TRMT11: variants seen among roughly 807,000 people sequenced by gnomAD.
The protein encoded by TRMT11 is tRNA methyltransferase 11, also known as tRNA (guanine(10)-N(2))-methyltransferase TRMT11.
TRMT11 carries 53 observed loss-of-function variants against 62.8 expected under a neutral mutation model. The ratio of observed to expected loss-of-function variants is 0.84; its 90% confidence interval spans 0.68 to 1.06. The LOEUF is 1.06. Ranked by LOEUF, TRMT11 falls within the 50% of genes least tolerant of loss-of-function variation. The pLI is 0.00. For synonymous variants in TRMT11, 188 were observed against 190.3 expected (o/e 0.99, Z 0.10); for missense variants, 556 against 553.4 (o/e 1.00, Z -0.05).
chr6:126,237,050 T>A, the TRMT11 span, among the ~76,000 whole-genome samples: 1 of 149,262 alleles, frequency 6.7e-6, no homozygotes, highest in African/African-American at 2.5e-5. Flanking sequence ...TTCTAGGTAC[T>A]TGACCTCCTA....
intron 17 of TRMT11, among the ~76,000 whole-genome samples, chr6:126,056,235 G>T (rs12664590): frequency 6.6e-6 from 1 of 152,058 alleles, no homozygotes; most frequent in East Asian, 1.9e-4. Flanking sequence ...AGTTTATAAG[G>T]GTTATAAAGA....
chr6:126,062,969 C>T (rs1479137288), intron 17 of TRMT11, among the ~76,000 whole-genome samples: 4 of 152,096 alleles, frequency 2.6e-5, no homozygotes, highest in African/African-American at 9.7e-5. Context: ...TATCCTGTAT[C>T]ATCAGTACTC....
chr6:126,105,215 A>G (rs1777450620), intron 17 of TRMT11, among the ~76,000 whole-genome samples: 1 of 151,894 alleles, frequency 6.6e-6, no homozygotes, highest in South Asian at 2.1e-4. Context: ...TGATGAAATC[A>G]CTCCTTTGCT....
the TRMT11 span, among the ~76,000 whole-genome samples, chr6:126,234,032 A>AT: frequency 1.3e-5 from 2 of 152,182 alleles, no homozygotes; most frequent in South Asian, 2.1e-4. Flanking sequence ...TAAAGATACT[A>AT]TTTTTTTCTG....
At chr6:126,213,585 A>T in the TRMT11 span, among the ~76,000 whole-genome samples, 2 of 152,052 alleles carry the variant, frequency 1.3e-5, no homozygotes, top group Non-Finnish European at 1.5e-5. Context: ...TGATGTTTGT[A>T]TGTTGGTTTT....
chr6:126,072,527 C>T (rs1312302175), intron 17 of TRMT11, among the ~76,000 whole-genome samples: 1 of 152,104 alleles, frequency 6.6e-6, no homozygotes, highest in Non-Finnish European at 1.5e-5. Flanking sequence ...AAACTTGATA[C>T]CAAGAGCTCG....
intron 17 of TRMT11, among the ~76,000 whole-genome samples, chr6:126,093,628 T>TATATAC (rs1562321453): frequency 5.7e-5 from 6 of 105,830 alleles, no homozygotes; most frequent in Non-Finnish European, 1.1e-4. Context: ...TATATATATA[T>TATATAC]ATATTTTCCC....
intron 17 of TRMT11, among the ~76,000 whole-genome samples, chr6:126,107,571 G>T (rs1455986971): frequency 6.6e-6 from 1 of 152,156 alleles, no homozygotes; most frequent in African/African-American, 2.4e-5. Context: ...CCTAAATCAT[G>T]CACAGCAGGC....
chr6:126,202,703 A>G (rs767705439), downstream of TRMT11, among the ~76,000 whole-genome samples: 16 of 152,352 alleles, frequency 1.1e-4, no homozygotes, highest in Non-Finnish European at 1.8e-4. Context: ...TAAAGTTTAT[A>G]TGTTGGCTGA....
chr6:126,261,328 T>A, the TRMT11 span, among the ~76,000 whole-genome samples: 1 of 152,224 alleles, frequency 6.6e-6, no homozygotes, highest in South Asian at 2.1e-4. Context: ...GATAATGAAT[T>A]GCTTTTCTGA....
intron 17 of TRMT11, among the ~76,000 whole-genome samples, chr6:126,109,854 A>G (rs1302000526): frequency 2.0e-5 from 3 of 152,184 alleles, no homozygotes; most frequent in Non-Finnish European, 2.9e-5. Flanking sequence ...CATTAAGCAG[A>G]CACAGGAACT....
intron 21 of TRMT11, among the ~76,000 whole-genome samples, chr6:126,139,273 T>C (rs1000316748): frequency 4.6e-5 from 7 of 152,056 alleles, no homozygotes; most frequent in African/African-American, 1.7e-4. Flanking sequence ...CCTTTGATCA[T>C]TACCATGAAT....
the TRMT11 span, among the ~76,000 whole-genome samples, chr6:126,245,032 A>C: frequency 3.5e-4 from 53 of 152,358 alleles, no homozygotes; most frequent in Non-Finnish European, 6.8e-4. Flanking sequence ...TTTTCTGTTT[A>C]AAATATTTAG....
intron 17 of TRMT11, among the ~76,000 whole-genome samples, chr6:126,063,908 G>C (rs1776612433): frequency 6.6e-6 from 1 of 152,216 alleles, no homozygotes; most frequent in South Asian, 2.1e-4. Flanking sequence ...AGGAGCAAGA[G>C]TGAGGCATGG....
intron 2 of TRMT11, among the ~76,000 whole-genome samples, chr6:126,199,594 T>A (rs1009072070): frequency 1.9e-4 from 29 of 152,324 alleles, no homozygotes; most frequent in Middle Eastern, 3.4e-3. Flanking sequence ...TAAAACTTTA[T>A]TTCAGTGAAA....
At chr6:126,126,562 C>T (rs1048349967) in intron 21 of TRMT11, among the ~76,000 whole-genome samples, 23 of 152,126 alleles carry the variant, frequency 1.5e-4, no homozygotes, top group African/African-American at 5.3e-4. Context: ...CCACACAGTT[C>T]TGAACCCATG....
intron 1 of TRMT11, among the ~76,000 whole-genome samples, chr6:125,988,572 G>A (rs1790053877): frequency 6.6e-6 from 1 of 152,170 alleles, no homozygotes. Flanking sequence ...GGCCTGTTTT[G>A]TAGGTAATGA....
downstream of TRMT11, among the ~76,000 whole-genome samples, chr6:126,043,373 G>T (rs1775941885): frequency 6.6e-6 from 1 of 151,526 alleles, no homozygotes; most frequent in African/African-American, 2.4e-5. Flanking sequence ...TCCCTACAAA[G>T]GACATGAACT....
chr6:126,199,805 A>G (rs1433530775), exon 3 of TRMT11: 1 of 152,212 alleles, frequency 6.6e-6, no homozygotes, highest in Non-Finnish European at 1.5e-5. Flanking sequence ...GGCAGATTCT[A>G]AGATAGAATT....
Sources: allele counts gnomAD v4.1 joint callset (sites outside exome capture counted in the v4.1 genomes callset), GRCh38; gene constraint gnomAD v4.1.1; transcripts MANE v1.5; gene names NCBI Gene and HGNC (gene_info 2026-07-23, HGNC 2026-07-21).